The following EPS15 variants were observed in gnomAD, a reference collection of about 807,000 sequenced individuals.
EPS15 encodes the protein epidermal growth factor receptor substrate 15.
Under a neutral mutation model 113.8 loss-of-function variants are expected in EPS15, and 72 were observed. The observed-to-expected ratio is 0.63, with a 90% CI of 0.52 to 0.77. EPS15 has a LOEUF of 0.77. EPS15 is among the 30% of genes least tolerant of loss of function. The pLI is 0.00. For missense variants in EPS15, 1,048 were observed against 1,045.8 expected (o/e 1.00, Z -0.03); for synonymous variants, 344 against 363.4 (o/e 0.95, Z 0.61).
chr1:51,368,598 CTTTT>C (rs1228266658), intron 21 of EPS15, among the ~76,000 whole-genome samples: 1 of 139,658 alleles, frequency 7.2e-6, no homozygotes, highest in Non-Finnish European at 1.6e-5. Flanking sequence ...TTTTTTGTTT[CTTTT>C]TTTTTTTTTT....
At chr1:51,476,822 T>C (rs1643915601) in intron 2 of EPS15, among the ~76,000 whole-genome samples, 2 of 152,216 alleles carry the variant, frequency 1.3e-5, no homozygotes, top group African/African-American at 4.8e-5. Flanking sequence ...TCATGGTGGA[T>C]AAGCTTTATG....
At chr1:51,362,945 T>C (rs1244971390) in intron 23 of EPS15, among the ~76,000 whole-genome samples, 1 of 152,074 alleles carries the variant, frequency 6.6e-6, no homozygotes, top group Non-Finnish European at 1.5e-5. Flanking sequence ...AACATATACA[T>C]ACACACACAT....
At chr1:51,399,557 A>T (rs1648309454) in intron 19 of EPS15, among the ~76,000 whole-genome samples, 1 of 145,924 alleles carries the variant, frequency 6.9e-6, no homozygotes, top group African/African-American at 2.6e-5. Flanking sequence ...TCAAAAACAA[A>T]CAAACAAAAA....
At chr1:51,455,717 T>C (rs557475900) in intron 8 of EPS15, among the ~76,000 whole-genome samples, 21 of 152,284 alleles carry the variant, frequency 1.4e-4, no homozygotes, top group South Asian at 1.0e-3. Context: ...ATCCTTACAA[T>C]CTAGTCAGAT....
intron 12 of EPS15, among the ~76,000 whole-genome samples, chr1:51,437,154 A>T (rs1216661890): frequency 6.6e-6 from 1 of 152,160 alleles, no homozygotes; most frequent in Non-Finnish European, 1.5e-5. Context: ...ATTTTCTACT[A>T]GAAACAATTT....
intron 12 of EPS15, among the ~76,000 whole-genome samples, chr1:51,439,765 C>T: frequency 6.6e-6 from 1 of 151,984 alleles, no homozygotes; most frequent in East Asian, 1.9e-4. Context: ...AGCTGACAAG[C>T]TTGTATCATT....
At chr1:51,518,854 C>G (rs1320481971) in intron 1 of EPS15, among the ~76,000 whole-genome samples, 1 of 151,804 alleles carries the variant, frequency 6.6e-6, no homozygotes, top group East Asian at 1.9e-4. Flanking sequence ...GAGGAAACTT[C>G]CTGGGTAGGT....
At chr1:51,506,781 T>A (rs1644505888) in intron 1 of EPS15, among the ~76,000 whole-genome samples, 1 of 136,838 alleles carries the variant, frequency 7.3e-6, no homozygotes, top group Admixed American at 7.5e-5. Flanking sequence ...CATAAAAGTG[T>A]GCCAGAAAAA....
intron 1 of EPS15, among the ~76,000 whole-genome samples, chr1:51,494,215 C>T (rs183364070): frequency 3.3e-5 from 5 of 152,252 alleles, no homozygotes; most frequent in Non-Finnish European, 5.9e-5. Flanking sequence ...CTTCCTTGCC[C>T]TTCTATCTTC....
intron 8 of EPS15, chr1:51,458,562 C>T (rs933825427): frequency 4.1e-5 from 18 of 444,268 alleles, no homozygotes; most frequent in African/African-American, 2.1e-4. Context: ...CACGGCGAAA[C>T]GCTGTCTCTA....
intron 12 of EPS15, among the ~76,000 whole-genome samples, chr1:51,439,477 G>C (rs1044662498): frequency 7.2e-5 from 11 of 151,840 alleles, no homozygotes; most frequent in Non-Finnish European, 1.3e-4. Flanking sequence ...AGTGTTGTGA[G>C]GGTTAAAAAA....
intron 1 of EPS15, among the ~76,000 whole-genome samples, chr1:51,494,524 T>C (rs1644294262): frequency 6.6e-6 from 1 of 152,264 alleles, no homozygotes; most frequent in Admixed American, 6.5e-5. Context: ...TAAAAACTTT[T>C]CTTTGATGCT....
Position 51,476,677 on chromosome 1 carries a change from T to A in EPS15, c.76-3729A>T, listed in dbSNP as rs576497321. ...CTGGATTCATTGATTTTTTGAAGGG[T>A]TTTTTGTGTCTCTATTTTCTTCAGT... On this transcript the variant is annotated intron_variant, in intron 2 of 24. Coordinates refer to ENST00000371733, the MANE Select transcript of EPS15 (RefSeq NM_001981.3). Among the ~76,000 whole-genome samples, 3 of 152,212 alleles carry A rather than the reference T, an allele frequency of 2.0e-5. No homozygotes were observed. In the South Asian group the frequency reaches 6.2e-4, roughly 32 times the overall value.
At chr1:51,494,870 C>T (rs930183523) in intron 1 of EPS15, among the ~76,000 whole-genome samples, 4 of 152,230 alleles carry the variant, frequency 2.6e-5, no homozygotes, top group Middle Eastern at 3.2e-3. Flanking sequence ...ATTATATCTG[C>T]ATCAATGTTA....
At chr1:51,493,227 G>C (rs1007115438) in intron 1 of EPS15, among the ~76,000 whole-genome samples, 7 of 152,164 alleles carry the variant, frequency 4.6e-5, no homozygotes, top group African/African-American at 1.4e-4. Context: ...CAGACGTGGT[G>C]GTGGGCGCCT....
chr1:51,452,855 C>T (rs1004653611), intron 8 of EPS15, among the ~76,000 whole-genome samples: 14 of 152,136 alleles, frequency 9.2e-5, no homozygotes, highest in Non-Finnish European at 2.1e-4. Flanking sequence ...ATTACCTGGA[C>T]AGCATGATAA....
chr1:51,493,528 TTAAATAAATAAATAAA>T (rs200731991), intron 1 of EPS15, among the ~76,000 whole-genome samples: 459 of 133,432 alleles, frequency 3.4e-3, no homozygotes, highest in East Asian at 0.01. Flanking sequence ...CAGTCTCAAA[TTAAATAAATAAATAAA>T]TAAATAAATA....
At chr1:51,492,897 T>C (rs759069501) in intron 1 of EPS15, among the ~76,000 whole-genome samples, 10 of 152,222 alleles carry the variant, frequency 6.6e-5, no homozygotes, top group Non-Finnish European at 1.3e-4. Flanking sequence ...CACCAGCAGC[T>C]TGTCCACATT....
intron 21 of EPS15, chr1:51,372,352 GA>G: frequency 5.6e-6 from 3 of 535,630 alleles, no homozygotes; most frequent in South Asian, 4.2e-5. Context: ...AGCAAGGTTG[GA>G]AACCAGCAGT....
Sources: allele counts gnomAD v4.1 joint callset (sites outside exome capture counted in the v4.1 genomes callset), GRCh38; gene constraint gnomAD v4.1.1; transcripts MANE v1.5; gene names NCBI Gene and HGNC (gene_info 2026-07-23, HGNC 2026-07-21).